The following GUCY1A2 variants were observed in gnomAD, a reference collection of about 807,000 sequenced individuals.
GUCY1A2 encodes guanylate cyclase soluble subunit alpha-2.
A neutral mutation model predicts 63.5 loss-of-function variants in GUCY1A2; 27 were observed. That is an observed-to-expected ratio of 0.43 (90% CI 0.31 to 0.59). The LOEUF (loss-of-function observed/expected upper bound fraction) is 0.59. Among genes scored for constraint, GUCY1A2 ranks in the 20% least tolerant of loss-of-function variants. The pLI is 0.11. For missense variants in GUCY1A2, 768 were observed against 913.3 expected (o/e 0.84, Z 2.05); for synonymous variants, 364 against 343.5 (o/e 1.06, Z -0.66).
intron 1 of GUCY1A2, among the ~76,000 whole-genome samples, chr11:106,987,487 C>T (rs1290376706): frequency 1.3e-5 from 2 of 152,064 alleles, no homozygotes; most frequent in African/African-American, 4.8e-5. Flanking sequence ...CCTGTCTCTA[C>T]TAAAAGTACC....
At chr11:106,863,498 A>G (rs557886695) in intron 4 of GUCY1A2, among the ~76,000 whole-genome samples, 1 of 152,136 alleles carries the variant, frequency 6.6e-6, no homozygotes, top group East Asian at 1.9e-4. Flanking sequence ...ATTGGTCTAT[A>G]TATCTGTTTT....
At chr11:106,932,400 T>C (rs1860615474) in intron 4 of GUCY1A2, among the ~76,000 whole-genome samples, 1 of 152,026 alleles carries the variant, frequency 6.6e-6, no homozygotes, top group African/African-American at 2.4e-5. Context: ...TTAAAAAAAA[T>C]ACCATACAGC....
intron 3 of GUCY1A2, among the ~76,000 whole-genome samples, chr11:106,973,163 A>T (rs1365822891): frequency 1.3e-5 from 2 of 152,130 alleles, no homozygotes; most frequent in Non-Finnish European, 1.5e-5. Context: ...TAATAAGATT[A>T]TATGATGATA....
rs531050249 is a variant in GUCY1A2 at position 107,016,658 on chromosome 11, G to A, written c.303+1095C>T. ...AAGCCACCAAAAAATGAGAGAGAAA[G>A]CACTAGAGAATCAATTGAAGAGAGA... On this transcript the variant is annotated intron_variant, in intron 1 of 7. Transcript: ENST00000526355. Among the ~76,000 whole-genome samples, 3 of 152,308 alleles carry A rather than the reference G, an allele frequency of 2.0e-5. No individual in the cohort carries two copies. In the East Asian group the frequency reaches 5.8e-4, roughly 29 times the overall value.
chr11:106,709,946 T>C (rs1591241363), intron 6 of GUCY1A2, among the ~76,000 whole-genome samples: 3 of 138,838 alleles, frequency 2.2e-5, no homozygotes, highest in Non-Finnish European at 4.5e-5. Context: ...TATACATGTA[T>C]ATAACATATA....
At chr11:106,909,319 A>C (rs1411080595) in intron 4 of GUCY1A2, among the ~76,000 whole-genome samples, 1 of 144,814 alleles carries the variant, frequency 6.9e-6, no homozygotes, top group East Asian at 2.0e-4. Flanking sequence ...CATTGATAAA[A>C]TCTATCATCT....
At chr11:106,726,566 C>T (rs145724172) in intron 6 of GUCY1A2, among the ~76,000 whole-genome samples, 25 of 152,132 alleles carry the variant, frequency 1.6e-4, no homozygotes, top group African/African-American at 5.8e-4. Context: ...TGACCTTAGG[C>T]GGGTGGGCAG....
At chr11:106,740,406 T>A (rs1021227153) in intron 6 of GUCY1A2, among the ~76,000 whole-genome samples, 1 of 152,290 alleles carries the variant, frequency 6.6e-6, no homozygotes, top group Admixed American at 6.5e-5. Context: ...GATAGATTTT[T>A]ATTTTTCTAT....
chr11:106,838,330 A>G (rs1321022972), intron 4 of GUCY1A2, among the ~76,000 whole-genome samples: 1 of 151,988 alleles, frequency 6.6e-6, no homozygotes, highest in Non-Finnish European at 1.5e-5. Flanking sequence ...CCTAACACAC[A>G]GTAGTGTTTC....
At chr11:106,744,171 G>A (rs1863745074) in intron 6 of GUCY1A2, among the ~76,000 whole-genome samples, 1 of 151,734 alleles carries the variant, frequency 6.6e-6, no homozygotes, top group Non-Finnish European at 1.5e-5. Context: ...AAGTTGAGGA[G>A]GATATGAGAA....
At chr11:106,840,627 G>T (rs890848845) in intron 4 of GUCY1A2, among the ~76,000 whole-genome samples, 1 of 151,842 alleles carries the variant, frequency 6.6e-6, no homozygotes, top group South Asian at 2.1e-4. Flanking sequence ...ACATAAAGAG[G>T]TGTAAAATTT....
At chr11:107,017,133 G>T (rs1861834743) in intron 1 of GUCY1A2, among the ~76,000 whole-genome samples, 1 of 152,104 alleles carries the variant, frequency 6.6e-6, no homozygotes, top group South Asian at 2.1e-4. Context: ...AAGCTACGGG[G>T]TGAGGACAAC....
chr11:106,882,668 T>C (rs771587306), intron 4 of GUCY1A2, among the ~76,000 whole-genome samples: 8 of 152,008 alleles, frequency 5.3e-5, no homozygotes, highest in Non-Finnish European at 8.8e-5. Flanking sequence ...TTGACCCTCA[T>C]TTAACAGTTA....
intron 4 of GUCY1A2, among the ~76,000 whole-genome samples, chr11:106,939,160 T>A (rs1860717433): frequency 6.6e-6 from 1 of 152,226 alleles, no homozygotes; most frequent in Non-Finnish European, 1.5e-5. Flanking sequence ...GTGGAAATAT[T>A]CATGTGTTTA....
chr11:106,838,735 CGAT>C (rs1342967605), intron 4 of GUCY1A2, among the ~76,000 whole-genome samples: 1 of 151,850 alleles, frequency 6.6e-6, no homozygotes, highest in Non-Finnish European at 1.5e-5. Context: ...TGGCCAGTGA[CGAT>C]GAGCATTTTT....
At chr11:106,775,477 G>A (rs112528672) in intron 6 of GUCY1A2, among the ~76,000 whole-genome samples, 3 of 146,668 alleles carry the variant, frequency 2.0e-5, no homozygotes, top group African/African-American at 5.0e-5. Context: ...CACCAATTAC[G>A]TTTTTTTTTT....
intron 4 of GUCY1A2, among the ~76,000 whole-genome samples, chr11:106,860,738 A>G (rs1859500102): frequency 1.3e-5 from 2 of 151,894 alleles, no homozygotes; most frequent in Admixed American, 1.3e-4. Flanking sequence ...AGATAATGCA[A>G]CTCCATATAA....
chr11:106,970,720 T>C (rs1158257377), intron 3 of GUCY1A2, among the ~76,000 whole-genome samples: 1 of 152,188 alleles, frequency 6.6e-6, no homozygotes, highest in South Asian at 2.1e-4. Context: ...CACTCCTAAG[T>C]ATTTACCTAA....
At chr11:106,862,797 C>A (rs182035755) in intron 4 of GUCY1A2, among the ~76,000 whole-genome samples, 13 of 152,148 alleles carry the variant, frequency 8.5e-5, no homozygotes, top group Admixed American at 8.5e-4. Context: ...TCTAACAGAT[C>A]CCTGGCTGGA....
Sources: gnomAD v4.1 joint callset for allele counts (sites outside exome capture counted in the v4.1 genomes callset) on GRCh38, gnomAD v4.1.1 for gene constraint, MANE v1.5 for transcripts, NCBI Gene and HGNC (gene_info 2026-07-23, HGNC 2026-07-21) for gene names.